The following ZNF684 variants were observed in gnomAD, a reference collection of about 807,000 sequenced individuals.
The protein encoded by ZNF684 is hypothetical protein MGC27466.
A neutral mutation model predicts 12.8 loss-of-function variants in ZNF684; 13 were observed. The observed-to-expected ratio is 1.02, with a 90% CI of 0.66 to 1.62. ZNF684 has a LOEUF of 1.62. ZNF684 is among the 40% of genes most tolerant of loss of function. The probability of loss-of-function intolerance (pLI) is 0.00; values close to 1 mark genes in which losing one functional copy is unlikely to be tolerated. For synonymous variants in ZNF684, 118 were observed against 151.8 expected (o/e 0.78, Z 1.64); for missense variants, 384 against 446.9 (o/e 0.86, Z 1.27).
intron 4 of ZNF684, among the ~76,000 whole-genome samples, chr1:40,541,958 G>C (rs1182126906): frequency 6.6e-6 from 1 of 152,150 alleles, no homozygotes; most frequent in African/African-American, 2.4e-5. Flanking sequence ...CACACTGCCT[G>C]TTTCATCTAG....
intron 2 of ZNF684, among the ~76,000 whole-genome samples, chr1:40,534,092 G>A (rs1159349513): frequency 1.3e-5 from 2 of 151,712 alleles, no homozygotes; most frequent in Non-Finnish European, 2.9e-5. Context: ...CCAAAGTGCT[G>A]GTAGGATTAC....
At chr1:40,540,042 C>G (rs1646006228) in intron 2 of ZNF684, among the ~76,000 whole-genome samples, 1 of 152,046 alleles carries the variant, frequency 6.6e-6, no homozygotes, top group African/African-American at 2.4e-5. Context: ...CAAATATTTT[C>G]TCCCATTCTG....
Position 40,533,153 on chromosome 1 carries a change from A to G in ZNF684, c.-14A>G. 1 of 1,613,278 alleles carries G rather than the reference A, an allele frequency of 6.2e-7. No homozygotes were observed. Among genetic ancestry groups the G allele is most frequent in the Non-Finnish European group, 8.5e-7 (1 of 1,179,454 alleles). On this transcript the variant is annotated 5_prime_UTR_variant, in exon 2 of 5. Coordinates refer to ENST00000372699, the MANE Select transcript of ZNF684 (RefSeq NM_152373.4). ...TTTCTACTTTCATAGATTTCTGTGT[A>G]AGAGCTGCAGAAAATGATCAGCTTC... is the stretch of plus-strand genomic sequence containing the variant.
chr1:40,540,043 T>A (rs2124509476), intron 2 of ZNF684, among the ~76,000 whole-genome samples: 2 of 152,352 alleles, frequency 1.3e-5, no homozygotes, highest in South Asian at 4.1e-4. Context: ...AAATATTTTC[T>A]CCCATTCTGT....
intron 4 of ZNF684, among the ~76,000 whole-genome samples, chr1:40,545,315 C>T (rs1646040303): frequency 1.3e-5 from 2 of 152,122 alleles, no homozygotes; most frequent in South Asian, 4.1e-4. Context: ...ATGACCCCCT[C>T]TCCCCAATTT....
chr1:40,545,228 A>G (rs1295865795), intron 4 of ZNF684, among the ~76,000 whole-genome samples: 1 of 152,210 alleles, frequency 6.6e-6, no homozygotes, highest in Non-Finnish European at 1.5e-5. Context: ...AGCTCCGCAG[A>G]GAATAAGGCA....
In ZNF684 at chr1:40,541,627, C is replaced by T. The variant is rs1225534103; in HGVS notation, c.155C>T (p.Thr52Ile). The T allele has an allele frequency of 1.2e-6, 2 of 1,612,978 alleles. No individual in the cohort carries two copies. The highest frequency in any genetic ancestry group is 2.7e-5 in the African/African-American group (2 of 74,984). Reference protein sequence around the residue: ...RNLISVGCPITKTKVILKVEQ... With the variant: ...RNLISVGCPIIKTKVILKVEQ... ...TTCCCACCAACAGGATGTCCAATTA[C>T]CAAAACAAAAGTGATCCTCAAGGTA... The change falls in exon 4 of 5, where the codon ACC (threonine) becomes ATC (isoleucine). Residue 52 changes from threonine to isoleucine, a missense_variant. Physicochemically the swap from Thr to Ile is moderately conservative, Grantham distance 89 (BLOSUM62 -1). Transcript: ENST00000372699.
intron 2 of ZNF684, among the ~76,000 whole-genome samples, chr1:40,533,707 A>C (rs1175716846): frequency 6.6e-6 from 1 of 152,178 alleles, no homozygotes; most frequent in East Asian, 1.9e-4. Context: ...TCCATAAGTA[A>C]ATCTTGTACC....
intron 4 of ZNF684, among the ~76,000 whole-genome samples, chr1:40,542,461 T>G (rs1226664825): frequency 6.6e-6 from 1 of 152,200 alleles, no homozygotes; most frequent in Non-Finnish European, 1.5e-5. Flanking sequence ...CCCCTCCAGC[T>G]TTTTGTTGTC....
intron 2 of ZNF684, 148 bp downstream of exon 2, chr1:40,533,329 C>A: frequency 1.2e-6 from 1 of 807,718 alleles, no homozygotes; most frequent in Non-Finnish European, 1.9e-6. Context: ...ATATTCAAGT[C>A]ATAGGGTTTG....
chr1:40,540,973 C>T (rs1413895584), intron 3 of ZNF684, among the ~76,000 whole-genome samples: 2 of 145,064 alleles, frequency 1.4e-5, no homozygotes, highest in Non-Finnish European at 3.0e-5. Context: ...GGAAGGATCG[C>T]TTGAGCCTAG....
intron 4 of ZNF684, chr1:40,544,495 G>T (rs913188823): frequency 3.0e-6 from 1 of 330,026 alleles, no homozygotes; most frequent in African/African-American, 2.3e-5. Context: ...GGAACTACAG[G>T]CGCCCGCCAC....
intron 2 of ZNF684, among the ~76,000 whole-genome samples, chr1:40,539,285 T>C (rs1456033818): frequency 1.3e-5 from 2 of 151,888 alleles, no homozygotes; most frequent in African/African-American, 4.8e-5. Context: ...TGCCTCGGCC[T>C]CCCAAAGTGT....
Position 40,547,547 on chromosome 1 carries a change from A to T in ZNF684, c.*87A>T. The T allele has an allele frequency of 1.7e-5, 21 of 1,226,150 alleles. No homozygotes were observed. Among genetic ancestry groups the T allele is most frequent in the Non-Finnish European group, 2.2e-5 (20 of 913,804 alleles). The allele number at this position is 1,226,150 out of a possible 1,614,324, so 76.0% of individuals were successfully genotyped here. ...AAGAATTCATGGTGAGAAGTCTACA[A>T]TTTAAATGAATTTGGAAGAGTAGAT... On this transcript the variant is annotated 3_prime_UTR_variant, in exon 5 of 5. Transcript: ENST00000372699.
chr1:40,533,635 G>C (rs1317016221), intron 2 of ZNF684, among the ~76,000 whole-genome samples: 3 of 152,118 alleles, frequency 2.0e-5, no homozygotes, highest in Non-Finnish European at 4.4e-5. Flanking sequence ...ATAGTGCCAA[G>C]CAGCACTAAA....
rs1489656552 is a variant in ZNF684 at position 40,548,124 on chromosome 1, A to G, written c.*664A>G. 2 of 152,280 alleles carry G rather than the reference A, an allele frequency of 1.3e-5. No homozygotes were observed. The highest frequency in any genetic ancestry group is 2.9e-5 in the Non-Finnish European group (2 of 68,050). 9.4% of individuals were successfully genotyped at this position (152,280 alleles called of 1,614,324 possible). A position where few individuals can be genotyped will look rare whatever the true frequency, so the allele number is the denominator to read the frequency against. On this transcript the variant is annotated 3_prime_UTR_variant, in exon 5 of 5. Coordinates refer to ENST00000372699, the MANE Select transcript of ZNF684 (RefSeq NM_152373.4). ...TATTACAGTAAGTATTCAGTTGAGG[A>G]AAAGAATTATTTAAATATGTAAATA...
In ZNF684 at chr1:40,540,716, A is replaced by G; in HGVS notation, c.142+4A>G. 2 of 1,590,294 alleles carry G rather than the reference A, an allele frequency of 1.3e-6. No homozygotes were observed. The highest frequency in any genetic ancestry group is 1.7e-6 in the Non-Finnish European group (2 of 1,169,324). ...TATAGAAACCTCATCTCAGTGGGTA[A>G]GGACAATGAGTGGTAACTTTTCAGT... On this transcript the variant is annotated splice_donor_region_variant and intron_variant, in intron 3 of 4. Transcript: ENST00000372699.
Position 40,547,477 on chromosome 1 carries a change from A to T in ZNF684, c.*17A>T. On this transcript the variant is annotated 3_prime_UTR_variant, in exon 5 of 5. Transcript: ENST00000372699. ...CATACATAATATTCACTTTATGAAT[A>T]TGAGAAGGCCTTATTAAATATTTGC... is the stretch of plus-strand genomic sequence containing the variant. The T allele has an allele frequency of 6.4e-7, 1 of 1,568,550 alleles. No homozygotes were observed. The highest frequency in any genetic ancestry group is 8.6e-7 in the Non-Finnish European group (1 of 1,157,134).
intron 2 of ZNF684, among the ~76,000 whole-genome samples, chr1:40,537,746 A>G (rs1313009101): frequency 1.3e-5 from 2 of 152,164 alleles, no homozygotes; most frequent in African/African-American, 2.4e-5. Flanking sequence ...CCGTCTCAAA[A>G]AAAAAAAATA....
Sources: gnomAD v4.1 joint callset for allele counts (sites outside exome capture counted in the v4.1 genomes callset) on GRCh38, gnomAD v4.1.1 for gene constraint, MANE v1.5 for transcripts, NCBI Gene and HGNC (gene_info 2026-07-23, HGNC 2026-07-21) for gene names.